MLH3: variants seen among roughly 807,000 people sequenced by gnomAD.
The protein encoded by MLH3 is DNA mismatch repair protein Mlh3.
A neutral mutation model predicts 122.2 loss-of-function variants in MLH3; 82 were observed. The observed-to-expected ratio is 0.67, with a 90% CI of 0.56 to 0.81. MLH3 has a LOEUF of 0.81. MLH3 is among the 30% of genes least tolerant of loss of function. The pLI is 0.00. For synonymous variants in MLH3, 524 were observed against 599.5 expected (o/e 0.87, Z 1.84); for missense variants, 1,539 against 1,714.5 (o/e 0.90, Z 1.81).
rs1060503068 is a variant in MLH3 at position 75,042,464 on chromosome 14, C to G, written c.3294G>C (p.Arg1098Ser). The G allele has an allele frequency of 2.5e-6, 4 of 1,613,364 alleles. No homozygotes were observed. In the African/African-American group the frequency reaches 4.0e-5, roughly 16 times the overall value. ...DVVLENGSQY[R>S]CQPFRSDLVL... ...CAAGGTCGCTTCTAAAAGGTTGACA[C>G]CTGTACTGAGACCCTAAATATAAGA... The change falls in exon 3 of 13, where the codon AGG (arginine) becomes AGC (serine). Residue 1098 changes from arginine (R) to serine (S), a missense_variant. Coordinates refer to ENST00000355774, the MANE Select transcript of MLH3 (RefSeq NM_001040108.2).
intron 11 of MLH3, chr14:75,020,867 T>C (rs915497467): frequency 6.6e-6 from 1 of 150,612 alleles, no homozygotes; most frequent in African/African-American, 2.4e-5. Context: ...TCCATCTTCA[T>C]TATTATTATT....
intron 6 of MLH3, among the ~76,000 whole-genome samples, chr14:75,037,380 G>A (rs552096944): frequency 6.6e-6 from 1 of 152,256 alleles, no homozygotes; most frequent in East Asian, 1.9e-4. Flanking sequence ...AAAATTTTAT[G>A]TTTGTGTAAT....
chr14:75,027,857 G>C (rs1890760361), intron 9 of MLH3, among the ~76,000 whole-genome samples: 1 of 151,824 alleles, frequency 6.6e-6, no homozygotes. Context: ...ATGGAAGATG[G>C]GAGGAGGGTG....
At chr14:75,041,930 TAA>T (rs1447996983) in intron 3 of MLH3, among the ~76,000 whole-genome samples, 2 of 152,250 alleles carry the variant, frequency 1.3e-5, no homozygotes, top group South Asian at 2.1e-4. Context: ...TCCAAACTGT[TAA>T]AAGAGATATT....
chr14:75,048,875 T>C lies in MLH3; in HGVS notation c.781A>G (p.Arg261Gly), dbSNP rs768196239. Residue 261 changes from arginine to glycine, a missense_variant, in exon 2 of 13, where the codon AGG becomes GGG. Coordinates refer to ENST00000355774, the MANE Select transcript of MLH3 (RefSeq NM_001040108.2). ...FLFVNKRLVL[R>G]TKLHKLIDFL... ...TCAATGAGTTTATGTAGCTTTGTCC[T>C]TAAAACTAGTCTTTTGTTCACAAAC... 1 of 1,614,048 alleles carries C rather than the reference T, an allele frequency of 6.2e-7. No individual in the cohort carries two copies. The highest frequency in any genetic ancestry group is 2.2e-5 in the East Asian group (1 of 44,888).
rs1489992549 is a variant in MLH3 at position 75,014,644 on chromosome 14, A to T, written c.*2438T>A. ...CAGCCATAGGAACCTTCACTTCTCA[A>T]TGAAGTGTTGATGAATGTTACAGAA... On this transcript the variant is annotated 3_prime_UTR_variant, in exon 13 of 13. Transcript: ENST00000355774. The T allele has an allele frequency of 4.9e-6, 1 of 205,330 alleles. No individual in the cohort carries two copies. The highest frequency in any genetic ancestry group is 1.0e-5 in the Non-Finnish European group (1 of 100,354). 12.7% of individuals were successfully genotyped at this position (205,330 alleles called of 1,614,324 possible). A position where few individuals can be genotyped will look rare whatever the true frequency, so the allele number is the denominator to read the frequency against.
chr14:75,028,542 C>G (rs1432610332), intron 9 of MLH3, among the ~76,000 whole-genome samples: 2 of 151,730 alleles, frequency 1.3e-5, no homozygotes, highest in African/African-American at 4.8e-5. Flanking sequence ...CTCAGCCTCC[C>G]AAGTAGCTGG....
rs368352164 is a variant in MLH3 at position 75,048,771 on chromosome 14, C to A, written c.885G>T (p.Arg295=). Residue 295 remains arginine (R), a synonymous_variant, in exon 2 of 13, where the codon CGG becomes CGT. Coordinates refer to ENST00000355774, the MANE Select transcript of MLH3 (RefSeq NM_001040108.2). ...PTSRQMNSSL[R]HRSTPELYGI... is the part of the protein sequence containing the mutation. ...CATAGAGTTCTGGGGTAGACCGGTGCCGAAGACTTGAATTCATTTGCCTAC... is the reference window on the plus strand; with the variant it reads ...CATAGAGTTCTGGGGTAGACCGGTGACGAAGACTTGAATTCATTTGCCTAC... 9 of 1,614,044 alleles carry A rather than the reference C, an allele frequency of 5.6e-6. No individual in the cohort carries two copies. The highest frequency in any genetic ancestry group is 7.6e-6 in the Non-Finnish European group (9 of 1,179,984).
rs764643218 is a variant in MLH3 at position 75,049,039 on chromosome 14, T to C, written c.617A>G (p.Asp206Gly). ...AATTTGACAAAATCGGGAACATACG[T>C]CTTTGGTTTTAGGGAGCTGAAGAAC... ...SMVLQLPKTK[D>G]VCSRFCQIYG... is the part of the protein sequence containing the mutation. The change falls in exon 2 of 13, where the codon GAC becomes GGC. Residue 206 changes from aspartate to glycine, a missense_variant. By Grantham distance (94) the Asp-to-Gly change is moderately conservative (BLOSUM62 -1). Transcript: ENST00000355774. 7.4e-6 allele frequency: 12 copies of C among 1,613,978 alleles called. No homozygotes were observed. The African/African-American group carries it at 1.3e-4, about 18-fold the overall frequency.
Position 75,048,860 on chromosome 14 carries a change from T to C in MLH3, c.796A>G (p.Lys266Glu), listed in dbSNP as rs1892459005. The C allele has an allele frequency of 6.2e-7, 1 of 1,614,020 alleles. No homozygotes were observed. The highest frequency in any genetic ancestry group is 1.3e-5 in the African/African-American group (1 of 74,934). Residue 266 changes from lysine (K) to glutamate (E), a missense_variant, in exon 2 of 13, where the codon AAA becomes GAA. Transcript: ENST00000355774. Reference protein sequence around the residue: ...KRLVLRTKLHKLIDFLLRKES... With the variant: ...KRLVLRTKLHELIDFLLRKES... ...TTCCTTAATAAAAAGTCAATGAGTTTATGTAGCTTTGTCCTTAAAACTAGT... is the reference window on the plus strand; with the variant it reads ...TTCCTTAATAAAAAGTCAATGAGTTCATGTAGCTTTGTCCTTAAAACTAGT...
At chr14:75,040,449 CAAAAAAAAAAA>C (rs36233766) in intron 4 of MLH3, among the ~76,000 whole-genome samples, 4 of 35,590 alleles carry the variant, frequency 1.1e-4, no homozygotes, top group Non-Finnish European at 2.0e-4. Context: ...GACTCTGTCA[CAAAAAAAAAAA>C]AAAAAAAAAA....
At chr14:75,032,420 G>C (rs1199690821) in intron 7 of MLH3, among the ~76,000 whole-genome samples, 2 of 152,146 alleles carry the variant, frequency 1.3e-5, no homozygotes, top group African/African-American at 4.8e-5. Context: ...AGATGAACAA[G>C]CCAATGTTCC....
chr14:75,025,110 G>A lies in MLH3; in HGVS notation c.3988-2092C>T, dbSNP rs1566887355. Among the ~76,000 whole-genome samples, 5 of 152,154 alleles carry A rather than the reference G, an allele frequency of 3.3e-5. No homozygotes were observed. In the South Asian group the frequency reaches 1.0e-3, roughly 32 times the overall value. On this transcript the variant is annotated intron_variant, in intron 9 of 12. Coordinates refer to ENST00000355774, the MANE Select transcript of MLH3 (RefSeq NM_001040108.2). ...CCCCTTGGCCTGCAAACCTGCTTAC[G>A]TCTTTTTTGTCTTAAAGCAAACAAA...
chr14:75,041,532 G>T (rs1891851843), intron 4 of MLH3, 83 bp downstream of exon 4: 1 of 1,090,452 alleles, frequency 9.2e-7, no homozygotes, highest in Non-Finnish European at 1.4e-6. Context: ...TGGGCAACAG[G>T]AGCAAAACTC....
At chr14:75,040,663 G>A (rs1457662640) in intron 4 of MLH3, among the ~76,000 whole-genome samples, 1 of 152,028 alleles carries the variant, frequency 6.6e-6, no homozygotes. Context: ...TATACACCCT[G>A]TTTATAACAT....
chr14:75,047,858 G>T lies in MLH3; in HGVS notation c.1798C>A (p.Arg600=). ...CGRRNVFSYG[R]VKLCSTGFIT... is the part of the protein sequence containing the mutation. Reference sequence around the variant, plus strand: ...AAGCCAGTGGAACATAATTTAACTCGCCCATAACTAAAAACATTTCTTCTT... The same window carrying T: ...AAGCCAGTGGAACATAATTTAACTCTCCCATAACTAAAAACATTTCTTCTT... Residue 600 remains arginine (R), a synonymous_variant, in exon 2 of 13, where the codon CGA becomes AGA. Transcript: ENST00000355774. The T allele has an allele frequency of 6.2e-7, 1 of 1,612,774 alleles. No individual in the cohort carries two copies. Among genetic ancestry groups the T allele is most frequent in the East Asian group, 2.2e-5 (1 of 44,858 alleles).
chr14:75,036,726 C>G (rs1015663501), intron 6 of MLH3: 28 of 456,010 alleles, frequency 6.1e-5, no homozygotes, highest in Non-Finnish European at 1.1e-4. Flanking sequence ...ACGGGTCCTG[C>G]AACATCATCA....
Position 75,047,990 on chromosome 14 carries a change from C to T in MLH3, c.1666G>A (p.Asp556Asn). 6.2e-7 allele frequency: 1 copy of T among 1,614,120 alleles called. No homozygotes were observed. Residue 556 changes from aspartate (D) to asparagine (N), a missense_variant, in exon 2 of 13, where the codon GAT (aspartate) becomes AAT (asparagine). Asp to Asn is a conservative substitution (Grantham distance 23). Transcript: ENST00000355774. ...RIQNQPKRFK[D>N]ATEVGCQPLP... is the part of the protein sequence containing the mutation. ...GGCTGGCATCCCACTTCAGTAGCAT[C>T]TTTAAATCTCTTTGGTTGATTCTGA...
At chr14:75,022,573 T>A (rs1890352434) in intron 11 of MLH3, among the ~76,000 whole-genome samples, 1 of 152,214 alleles carries the variant, frequency 6.6e-6, no homozygotes, top group Admixed American at 6.5e-5. Flanking sequence ...TCAAAATGCA[T>A]CTCCTCTAGG....
Sources: gnomAD v4.1 joint callset for allele counts (sites outside exome capture counted in the v4.1 genomes callset) on GRCh38, gnomAD v4.1.1 for gene constraint, MANE v1.5 for transcripts, NCBI Gene and HGNC (gene_info 2026-07-23, HGNC 2026-07-21) for gene names.